TAF4: variants seen among roughly 807,000 people sequenced by gnomAD.
The protein encoded by TAF4 is transcription initiation factor TFIID subunit 4.
A neutral mutation model predicts 90.3 loss-of-function variants in TAF4; 9 were observed. The observed-to-expected ratio is 0.10, with a 90% CI of 0.06 to 0.17. TAF4 has a LOEUF of 0.17. Ranked by LOEUF, TAF4 falls within the 10% of genes least tolerant of loss-of-function variation. The pLI is 1.00. For synonymous variants in TAF4, 818 were observed against 638.9 expected (o/e 1.28, Z -4.23); for missense variants, 1,351 against 1,370.7 (o/e 0.99, Z 0.23).
intron 9 of TAF4, among the ~76,000 whole-genome samples, chr20:62,002,132 C>T (rs1734990122): frequency 6.6e-6 from 1 of 152,200 alleles, no homozygotes; most frequent in African/African-American, 2.4e-5. Flanking sequence ...CCAAGGCTTC[C>T]TGCAGCCTTG....
intron 14 of TAF4, among the ~76,000 whole-genome samples, chr20:61,978,060 CGCG>C (rs2055507500): frequency 7.8e-6 from 1 of 127,828 alleles, no homozygotes; most frequent in African/African-American, 2.8e-5. Flanking sequence ...CAAGGGAGGG[CGCG>C]ACACCAACCA....
chr20:62,034,827 C>CTT lies in TAF4; in HGVS notation c.1361-20122_1361-20121dup, dbSNP rs1555877004. ...GATATAGTCACTATCTCATAGATTTCTTTTTTTTTTTGAGATGGAGTCTCG... is the reference window on the plus strand; with the variant it reads ...GATATAGTCACTATCTCATAGATTTCTTTTTTTTTTTTTGAGATGGAGTCTCG... On this transcript the variant is annotated intron_variant, in intron 1 of 14. Transcript: ENST00000252996. 5.6e-4 allele frequency among the ~76,000 whole-genome samples: 80 copies of CTT among 141,866 alleles called. 1 individual carries two copies. Among genetic ancestry groups the CTT allele is most frequent in the African/African-American group, 1.9e-3 (72 of 38,660 alleles). The allele number at this position is 141,866 out of a possible 152,430, so 93.1% of individuals were successfully genotyped here.
At chr20:62,043,451 G>C (rs1017708006) in intron 1 of TAF4, among the ~76,000 whole-genome samples, 3 of 152,266 alleles carry the variant, frequency 2.0e-5, no homozygotes, top group Non-Finnish European at 2.9e-5. Flanking sequence ...TATTACTGAA[G>C]AAAGAAAACT....
intron 14 of TAF4, among the ~76,000 whole-genome samples, chr20:61,977,203 G>A (rs142974180): frequency 1.4e-4 from 18 of 130,314 alleles, no homozygotes; most frequent in Admixed American, 9.2e-4. Context: ...CCAGCGGGGC[G>A]CGCGCCACAC....
intron 14 of TAF4, among the ~76,000 whole-genome samples, chr20:61,990,976 TGAG>T (rs2055627937): frequency 3.3e-5 from 5 of 151,586 alleles, no homozygotes; most frequent in Admixed American, 1.3e-4. Context: ...CAGGCTCCCA[TGAG>T]AGAAAAAGAG....
chr20:62,012,928 C>G lies in TAF4; in HGVS notation c.1528G>C (p.Gly510Arg), dbSNP rs1169578983. The G allele has an allele frequency of 6.2e-7, 1 of 1,612,764 alleles. No homozygotes were observed. The highest frequency in any genetic ancestry group is 1.1e-5 in the South Asian group (1 of 90,662). Residue 510 changes from glycine (G) to arginine (R), a missense_variant, in exon 3 of 15, where the codon GGA becomes CGA. This residue lies in a region of TAF4 where 143 missense variants were observed against 176.3 expected (regional missense o/e 0.81). Coordinates refer to ENST00000252996, the MANE Select transcript of TAF4 (RefSeq NM_003185.4). Reference protein sequence around the residue: ...PVQISTVQAPGTPIIARQVTP... With the variant: ...PVQISTVQAPRTPIIARQVTP... ...ACCTGCCGTGCAATGATAGGTGTTC[C>G]AGGTGCCTGAAAAATAAGCAGAGTC...
intron 1 of TAF4, among the ~76,000 whole-genome samples, chr20:62,015,751 T>C (rs982716675): frequency 2.0e-5 from 3 of 152,154 alleles, no homozygotes; most frequent in African/African-American, 7.2e-5. Context: ...CTGTTGGTCA[T>C]GATGACAAAT....
intron 1 of TAF4, among the ~76,000 whole-genome samples, chr20:62,054,894 A>G (rs577669521): frequency 1.4e-4 from 22 of 151,744 alleles, no homozygotes; most frequent in African/African-American, 5.1e-4. Context: ...AGCCACCGAC[A>G]TTCCCTCTCA....
chr20:62,047,178 A>C (rs2055998247), intron 1 of TAF4, among the ~76,000 whole-genome samples: 1 of 152,116 alleles, frequency 6.6e-6, no homozygotes, highest in Non-Finnish European at 1.5e-5. Context: ...ATTCTTCGAC[A>C]ATTACTCTCT....
chr20:62,015,916 G>C (rs1188847078), intron 1 of TAF4, among the ~76,000 whole-genome samples: 2 of 152,156 alleles, frequency 1.3e-5, no homozygotes, highest in Admixed American at 1.3e-4. Flanking sequence ...CCACATTTAT[G>C]CCCATTAAGA....
chr20:62,014,430 C>T, intron 2 of TAF4, 117 bp downstream of exon 2: 1 of 1,325,270 alleles, frequency 7.5e-7, no homozygotes, highest in Non-Finnish European at 9.9e-7. Flanking sequence ...ACGCCGCCCA[C>T]ACTTCCCAGT....
Position 62,064,931 on chromosome 20 carries a change from C to T in TAF4, c.880G>A (p.Ala294Thr), listed in dbSNP as rs1259148702. 4.7e-5 allele frequency: 27 copies of T among 575,764 alleles called. No individual in the cohort carries two copies. Among genetic ancestry groups the T allele is most frequent in the Non-Finnish European group, 5.7e-5 (27 of 471,204 alleles). The allele number at this position is 575,764 out of a possible 1,614,324, so 35.7% of individuals were successfully genotyped here. A position where few individuals can be genotyped will look rare whatever the true frequency, so the allele number is the denominator to read the frequency against. Reference protein sequence around the residue: ...PGHPAGPPTAAPAVPPPAAAQ... With the variant: ...PGHPAGPPTATPAVPPPAAAQ... ...GCGGCGGGGGGCGGCACGGCGGGCG[C>T]GGCGGTCGGGGGTCCGGCGGGGTGG... The change falls in exon 1 of 15, where the codon GCG becomes ACG. Residue 294 changes from alanine to threonine, a missense_variant. Ala to Thr is a moderately conservative substitution (Grantham distance 58). This residue lies in a region of TAF4 where 782 missense variants were observed against 536.6 expected (regional missense o/e 1.46). Coordinates refer to ENST00000252996, the MANE Select transcript of TAF4 (RefSeq NM_003185.4).
intron 1 of TAF4, among the ~76,000 whole-genome samples, chr20:62,026,655 C>T (rs1275425379): frequency 6.6e-6 from 1 of 152,202 alleles, no homozygotes; most frequent in Non-Finnish European, 1.5e-5. Flanking sequence ...TCCGCAGAAA[C>T]ACGAATCCAG....
At chr20:62,049,978 C>T (rs890301399) in intron 1 of TAF4, among the ~76,000 whole-genome samples, 2 of 152,152 alleles carry the variant, frequency 1.3e-5, no homozygotes, top group Admixed American at 1.3e-4. Flanking sequence ...AGCAGCCCCA[C>T]GGAGCAGCCT....
In TAF4 at chr20:62,010,153, G is replaced by C. The variant is rs747293429; in HGVS notation, c.1654C>G (p.Leu552Val). Residue 552 changes from leucine (L) to valine (V), a missense_variant, in exon 4 of 15, where the codon CTG (leucine) becomes GTG (valine). Coordinates refer to ENST00000252996, the MANE Select transcript of TAF4 (RefSeq NM_003185.4). The surrounding 1 kb of genome is among the most constrained non-coding windows in gnomAD (Gnocchi z 4.5). ...RSPGVQPQLV[L>V]GGAAQTASLG... ...GAAGCCGTCTGGGCAGCGCCACCCA[G>C]AACGAGCTGAGGCTACAAGAATCCA... The C allele has an allele frequency of 6.2e-7, 1 of 1,613,942 alleles. No individual in the cohort carries two copies. The highest frequency in any genetic ancestry group is 8.5e-7 in the Non-Finnish European group (1 of 1,180,028).
chr20:61,979,909 T>C (rs371833753), intron 14 of TAF4, among the ~76,000 whole-genome samples: 2 of 151,534 alleles, frequency 1.3e-5, no homozygotes, highest in African/African-American at 4.9e-5. Context: ...GACTGCGGCA[T>C]GTGCAGGCGC....
Position 62,056,399 on chromosome 20 carries a change from C to T in TAF4, c.1360+8052G>A, listed in dbSNP as rs148704894. On this transcript the variant is annotated intron_variant, in intron 1 of 14. Transcript: ENST00000252996. ...TAGAATGGTATCCATTCCCAAAAGT[C>T]GTATTCTGGCAATGGTTTTAAAAGT... 4.0e-3 allele frequency among the ~76,000 whole-genome samples: 612 copies of T among 152,222 alleles called. 1 individual carries two copies. The highest frequency in any genetic ancestry group is 6.4e-3 in the Non-Finnish European group (438 of 68,012).
In TAF4 at chr20:62,008,704, G is replaced by A. The variant is rs2055761520; in HGVS notation, c.1884+348C>T. ...ATTTTATAAGAGGTCACACAGGAGTGGGGAGAGGGCCAGAAGGGAGTTGCT... is the reference window on the plus strand; with the variant it reads ...ATTTTATAAGAGGTCACACAGGAGTAGGGAGAGGGCCAGAAGGGAGTTGCT... On this transcript the variant is annotated intron_variant, in intron 5 of 14. Coordinates refer to ENST00000252996, the MANE Select transcript of TAF4 (RefSeq NM_003185.4). The A allele has an allele frequency of 2.6e-5, 5 of 190,950 alleles. No homozygotes were observed. The South Asian group carries it at 8.1e-4, about 31-fold the overall frequency. 11.8% of individuals were successfully genotyped at this position (190,950 alleles called of 1,614,324 possible).
chr20:62,046,449 G>A (rs565540368), intron 1 of TAF4, among the ~76,000 whole-genome samples: 106 of 152,318 alleles, frequency 7.0e-4, no homozygotes, highest in Non-Finnish European at 1.2e-3. Context: ...GAAATTGTGC[G>A]ATAGGCGGTC....
Sources: gnomAD v4.1 joint callset for allele counts (sites outside exome capture counted in the v4.1 genomes callset) on GRCh38, gnomAD v4.1.1 for gene constraint, gnomAD v4.1.1 regional missense constraint, Gnocchi (gnomAD v3.1) non-coding constraint, MANE v1.5 for transcripts, NCBI Gene and HGNC (gene_info 2026-07-23, HGNC 2026-07-21) for gene names.